ABTB2: variants seen among roughly 807,000 people sequenced by gnomAD.
The protein encoded by ABTB2 is ankyrin repeat and BTB/POZ domain-containing protein 2.
Under a neutral mutation model 104.1 loss-of-function variants are expected in ABTB2, and 56 were observed. The ratio of observed to expected loss-of-function variants is 0.54; its 90% confidence interval spans 0.43 to 0.67. The LOEUF (loss-of-function observed/expected upper bound fraction) is 0.67. ABTB2 is among the 30% of genes least tolerant of loss of function. The pLI is 0.00. For missense variants in ABTB2, 1,279 were observed against 1,407.7 expected, an observed-to-expected ratio of 0.91 and a Z score of 1.46; for synonymous variants, 606 against 608.2, an observed-to-expected ratio of 1.00 and a Z score of 0.05.
intron 1 of ABTB2, among the ~76,000 whole-genome samples, chr11:34,278,095 G>A (rs144139553): frequency 4.2e-4 from 63 of 151,768 alleles, no homozygotes; most frequent in Non-Finnish European, 8.2e-4. Flanking sequence ...GAGCCACTGC[G>A]CCTGGCTCAG....
chr11:34,164,918 G>A (rs1852777502), intron 8 of ABTB2, 97 bp from the exon 9 acceptor site: 1 of 1,425,244 alleles, frequency 7.0e-7, no homozygotes, highest in African/African-American at 1.5e-5. Context: ...TCGCAGCTCT[G>A]AGTGCTGGAA....
rs1241498660 is a variant in ABTB2 at position 34,356,299 on chromosome 11, G to A, written c.883+402C>T. Among the ~76,000 whole-genome samples the A allele has an allele frequency of 6.6e-6, 1 of 152,152 alleles. No individual in the cohort carries two copies. The highest frequency in any genetic ancestry group is 2.4e-5 in the African/African-American group (1 of 41,404). Reference sequence around the variant, plus strand: ...CTATTGAGCTGGGGAAAACTAGGGGGCAGAATCAGTCAATCTAACCAGCTG... The same window carrying A: ...CTATTGAGCTGGGGAAAACTAGGGGACAGAATCAGTCAATCTAACCAGCTG... On this transcript the variant is annotated intron_variant, in intron 1 of 16. Coordinates refer to ENST00000435224, the MANE Select transcript of ABTB2 (RefSeq NM_145804.3). This position sits in a 1 kb window ranked among gnomAD's most constrained non-coding sequence, Gnocchi z 4.6.
At chr11:34,229,230 C>T (rs892627689) in intron 1 of ABTB2, among the ~76,000 whole-genome samples, 15 of 151,478 alleles carry the variant, frequency 9.9e-5, no homozygotes, top group African/African-American at 2.9e-4. Flanking sequence ...CGCCTGTAAT[C>T]GCAGCACTTT....
chr11:34,162,511 AG>A, intron 10 of ABTB2, 64 bp downstream of exon 10: 1 of 1,526,010 alleles, frequency 6.6e-7, no homozygotes. Context: ...GAAGAGCAGC[AG>A]GGAGTGACCG....
chr11:34,157,538 A>G (rs544354622), intron 14 of ABTB2, among the ~76,000 whole-genome samples: 33 of 152,292 alleles, frequency 2.2e-4, no homozygotes, highest in Non-Finnish European at 4.1e-4. Context: ...TAGCCCCTCT[A>G]GGACCTGCCT....
chr11:34,180,923 TTGA>T (rs573076185), intron 3 of ABTB2, among the ~76,000 whole-genome samples: 2 of 152,178 alleles, frequency 1.3e-5, no homozygotes, highest in Non-Finnish European at 2.9e-5. Flanking sequence ...TTGTTTTGTT[TTGA>T]GACAGTCTTG....
At chr11:34,310,472 C>A (rs1854837519) in intron 1 of ABTB2, among the ~76,000 whole-genome samples, 1 of 152,148 alleles carries the variant, frequency 6.6e-6, no homozygotes, top group Admixed American at 6.5e-5. Context: ...CCTTGCCTCT[C>A]CCCTGAAGTA....
intron 3 of ABTB2, among the ~76,000 whole-genome samples, chr11:34,174,314 G>C (rs1355017883): frequency 7.2e-6 from 1 of 138,098 alleles, no homozygotes; most frequent in Non-Finnish European, 1.5e-5. Context: ...GACAGGGCGA[G>C]ACTCCGTCTC....
At chr11:34,200,868 C>T (rs1240296887) in intron 2 of ABTB2, among the ~76,000 whole-genome samples, 1 of 151,964 alleles carries the variant, frequency 6.6e-6, no homozygotes, top group Non-Finnish European at 1.5e-5. Flanking sequence ...GTCTGTGAAC[C>T]GGGACAGGTC....
chr11:34,338,229 A>T (rs2133121396), intron 1 of ABTB2, among the ~76,000 whole-genome samples: 1 of 151,688 alleles, frequency 6.6e-6, no homozygotes, highest in East Asian at 1.9e-4. Context: ...AAAAGTACAG[A>T]AATTAGCTGG....
At position 34,357,801 on chromosome 11, in the gene ABTB2, C is replaced by G. The variant is rs914007628; in HGVS notation, c.-218G>C. 4 of 525,680 alleles carry G rather than the reference C, an allele frequency of 7.6e-6. No individual in the cohort carries two copies. The highest frequency in any genetic ancestry group is 6.2e-5 in the South Asian group (2 of 32,470). 32.6% of individuals were successfully genotyped at this position (525,680 alleles called of 1,614,324 possible). A position where few individuals can be genotyped will look rare whatever the true frequency, so the allele number is the denominator to read the frequency against. On this transcript the variant is annotated 5_prime_UTR_variant, in exon 1 of 17. Transcript: ENST00000435224. Reference sequence around the variant, plus strand: ...CCCACGCTCCCGGCGTCCCGACTCGCAGCTGCCACTGGAAAGAACCCCGTC... The same window carrying G: ...CCCACGCTCCCGGCGTCCCGACTCGGAGCTGCCACTGGAAAGAACCCCGTC...
At chr11:34,206,999 C>T (rs1853416198) in intron 1 of ABTB2, among the ~76,000 whole-genome samples, 1 of 152,256 alleles carries the variant, frequency 6.6e-6, no homozygotes, top group Non-Finnish European at 1.5e-5. Flanking sequence ...CATGATTGGG[C>T]TCTCCCCCGC....
intron 1 of ABTB2, among the ~76,000 whole-genome samples, chr11:34,354,738 G>T (rs544145558): frequency 6.6e-6 from 1 of 152,300 alleles, no homozygotes; most frequent in Non-Finnish European, 1.5e-5. Flanking sequence ...CACCTGTTCT[G>T]CATGAATATA....
At chr11:34,336,311 T>G (rs1215880454) in intron 1 of ABTB2, among the ~76,000 whole-genome samples, 1 of 152,128 alleles carries the variant, frequency 6.6e-6, no homozygotes, top group African/African-American at 2.4e-5. Context: ...ACTACTATCA[T>G]TCCAAGTTTA....
chr11:34,357,679 G>C lies in ABTB2; in HGVS notation c.-96C>G. 1 of 1,271,842 alleles carries C rather than the reference G, an allele frequency of 7.9e-7. No individual in the cohort carries two copies. The highest frequency in any genetic ancestry group is 1.0e-6 in the Non-Finnish European group (1 of 981,574). 78.8% of individuals were successfully genotyped at this position (1,271,842 alleles called of 1,614,324 possible). On this transcript the variant is annotated 5_prime_UTR_variant, in exon 1 of 17. Coordinates refer to ENST00000435224, the MANE Select transcript of ABTB2 (RefSeq NM_145804.3). ...GCAGAAACAAGCTCTAGGCCCTCCG[G>C]GCCACCCTCCTTCCTCTCTGCGTCG... is the stretch of plus-strand genomic sequence containing the variant.
intron 10 of ABTB2, among the ~76,000 whole-genome samples, chr11:34,161,567 G>A (rs1220162956): frequency 5.3e-5 from 8 of 152,170 alleles, no homozygotes; most frequent in East Asian, 1.9e-4. Flanking sequence ...TTGTCTGCAC[G>A]GAAGCTTGAA....
intron 1 of ABTB2, among the ~76,000 whole-genome samples, chr11:34,308,878 A>AAAAAAAG (rs1854812416): frequency 1.3e-5 from 2 of 151,068 alleles, no homozygotes; most frequent in Non-Finnish European, 3.0e-5. Flanking sequence ...CAAAAAAAAA[A>AAAAAAAG]AAAAAAAAAG....
At chr11:34,236,659 A>G (rs908026326) in intron 1 of ABTB2, among the ~76,000 whole-genome samples, 1 of 152,182 alleles carries the variant, frequency 6.6e-6, no homozygotes, top group Non-Finnish European at 1.5e-5. Flanking sequence ...CTCCTGGGGA[A>G]GCAGAAGTGA....
At chr11:34,242,458 G>A (rs1457402414) in intron 1 of ABTB2, 1 of 152,384 alleles carries the variant, frequency 6.6e-6, no homozygotes, top group Admixed American at 6.5e-5. Context: ...CAGGGAGGTT[G>A]GTGATCCAGC....
Sources: gnomAD v4.1 joint callset for allele counts (sites outside exome capture counted in the v4.1 genomes callset) on GRCh38, gnomAD v4.1.1 for gene constraint, Gnocchi (gnomAD v3.1) non-coding constraint, MANE v1.5 for transcripts, NCBI Gene and HGNC (gene_info 2026-07-23, HGNC 2026-07-21) for gene names.